Variants in LRP5 observed in about 807,000 individuals in gnomAD.
LRP5 encodes LDL receptor related protein 5, also known as low-density lipoprotein receptor-related protein 5.
In LRP5, 62 loss-of-function variants were observed where a neutral mutation model predicts 154.1. The observed-to-expected ratio is 0.40, with a 90% CI of 0.33 to 0.50. The LOEUF (loss-of-function observed/expected upper bound fraction) is 0.50, where lower values mean the gene tolerates loss of function less well. Ranked by LOEUF, LRP5 falls within the 20% of genes least tolerant of loss-of-function variation. The pLI is 0.55. For missense variants in LRP5, 1,915 were observed against 2,336.7 expected, an observed-to-expected ratio of 0.82 and a Z score of 3.72; for synonymous variants, 966 against 1,011.5, an observed-to-expected ratio of 0.96 and a Z score of 0.85.
intron 19 of LRP5, 36 bp downstream of exon 19, chr11:68,437,035 G>T (rs761006855): frequency 2.5e-6 from 4 of 1,577,466 alleles, no homozygotes; most frequent in South Asian, 2.2e-5. Flanking sequence ...GGGGCGTCCG[G>T]GCTGGGTTCC....
At chr11:68,421,034 G>A (rs1301867627) in intron 13 of LRP5, among the ~76,000 whole-genome samples, 1 of 152,128 alleles carries the variant, frequency 6.6e-6, no homozygotes, top group African/African-American at 2.4e-5. Context: ...AGACCATCCT[G>A]GCCAACATGG....
At chr11:68,434,626 C>T (rs1301727041) in intron 18 of LRP5, among the ~76,000 whole-genome samples, 4 of 152,256 alleles carry the variant, frequency 2.6e-5, no homozygotes, top group East Asian at 1.9e-4. Flanking sequence ...GTGATCCGCC[C>T]GCCTCAGCCT....
chr11:68,348,055 G>T lies in LRP5; in HGVS notation c.300G>T (p.Gln100His). 1 of 1,614,072 alleles carries T rather than the reference G, an allele frequency of 6.2e-7. No individual in the cohort carries two copies. The highest frequency in any genetic ancestry group is 8.5e-7 in the Non-Finnish European group (1 of 1,180,026). ...TGAACCAGACGGGGGCCGCCGTGCA[G>T]AACGTGGTCATCTCCGGCCTGGTCT... ...TYLNQTGAAV[Q>H]NVVISGLVSP... is the part of the protein sequence containing the mutation. The change falls in exon 2 of 23, where the codon CAG becomes CAT. Residue 100 changes from glutamine to histidine, a missense_variant. Around this residue, in one of 3 missense-constraint regions of LRP5, gnomAD observed 773 missense variants for 1,100.9 expected, o/e 0.70. Coordinates refer to ENST00000294304, the MANE Select transcript of LRP5 (RefSeq NM_002335.4).
At chr11:68,442,724 C>T (rs191140847) in intron 21 of LRP5, among the ~76,000 whole-genome samples, 4 of 152,320 alleles carry the variant, frequency 2.6e-5, no homozygotes, top group East Asian at 1.9e-4. Flanking sequence ...AGAGCTCTAC[C>T]GTAACCCATC....
intron 18 of LRP5, among the ~76,000 whole-genome samples, chr11:68,436,586 G>A (rs933602618): frequency 6.6e-6 from 1 of 152,074 alleles, no homozygotes; most frequent in Admixed American, 6.5e-5. Flanking sequence ...CCTTGGGCGG[G>A]GTCTGTTACT....
At position 68,417,623 on chromosome 11, in the gene LRP5, G is replaced by T. The variant is rs990437944; in HGVS notation, c.3027+1096G>T. On this transcript the variant is annotated intron_variant, in intron 13 of 22. Transcript: ENST00000294304. Reference sequence around the variant, plus strand: ...TTACAGGCATGAGCCACCGCGGCCGGCCAGATTTGCATTTTTGAAACAACT... The same window carrying T: ...TTACAGGCATGAGCCACCGCGGCCGTCCAGATTTGCATTTTTGAAACAACT... Among the ~76,000 whole-genome samples the T allele has an allele frequency of 5.9e-5, 9 of 151,736 alleles. No individual in the cohort carries two copies. In the East Asian group the frequency reaches 1.8e-3, roughly 30 times the overall value.
At chr11:68,359,719 A>T (rs1179053137) in intron 3 of LRP5, among the ~76,000 whole-genome samples, 7 of 150,380 alleles carry the variant, frequency 4.7e-5, no homozygotes, top group Admixed American at 2.7e-4. Context: ...TCACTTTGTC[A>T]CCCAGGCTGG....
intron 1 of LRP5, among the ~76,000 whole-genome samples, chr11:68,327,204 C>T (rs2098600208): frequency 6.6e-6 from 1 of 152,238 alleles, no homozygotes; most frequent in Admixed American, 6.5e-5. Context: ...ACGGTTCTTG[C>T]CCCTGAGAAG....
In LRP5 at chr11:68,316,073, A is replaced by G. The variant is rs185751078; in HGVS notation, c.91+3268A>G. Among the ~76,000 whole-genome samples, 3 of 152,276 alleles carry G rather than the reference A, an allele frequency of 2.0e-5. No homozygotes were observed. The East Asian group carries it at 5.8e-4, about 29-fold the overall frequency. On this transcript the variant is annotated intron_variant, in intron 1 of 22. Coordinates refer to ENST00000294304, the MANE Select transcript of LRP5 (RefSeq NM_002335.4). ...TTTCCATCACCCCAAAATAAAACCCATACCCATTACACGGTGACTTCCCGT... is the reference window on the plus strand; with the variant it reads ...TTTCCATCACCCCAAAATAAAACCCGTACCCATTACACGGTGACTTCCCGT...
intron 5 of LRP5, among the ~76,000 whole-genome samples, chr11:68,383,310 G>A (rs558176515): frequency 9.8e-5 from 15 of 152,350 alleles, no homozygotes; most frequent in African/African-American, 3.6e-4. Context: ...ACACTGCTGA[G>A]GTCAAGCGTG....
intron 17 of LRP5, among the ~76,000 whole-genome samples, chr11:68,432,404 G>T (rs1181380107): frequency 6.6e-6 from 1 of 152,156 alleles, no homozygotes; most frequent in African/African-American, 2.4e-5. Context: ...ACCCTGGCAC[G>T]TCCTCCTGTG....
At chr11:68,340,804 T>TAC (rs2098608492) in intron 1 of LRP5, among the ~76,000 whole-genome samples, 1 of 152,214 alleles carries the variant, frequency 6.6e-6, no homozygotes, top group African/African-American at 2.4e-5. Flanking sequence ...TTACCAGTAT[T>TAC]ACAATATATT....
the LRP5 span, among the ~76,000 whole-genome samples, chr11:68,307,307 C>T: frequency 1.2e-4 from 18 of 151,792 alleles, no homozygotes; most frequent in East Asian, 3.1e-3. Flanking sequence ...CCACAGCTGT[C>T]CCCCATCTCT....
intron 1 of LRP5, among the ~76,000 whole-genome samples, chr11:68,326,691 G>A (rs2098599894): frequency 6.6e-6 from 1 of 152,258 alleles, no homozygotes; most frequent in Admixed American, 6.5e-5. Flanking sequence ...TCGCCTCTGG[G>A]ATGAGAGCAG....
rs142511038 is a variant in LRP5, at chr11:68,386,629, G to A, written c.1329G>A (p.Thr443=). ...CGGGCACGGACCGCATCGAGGTGAC[G>A]CGCCTCAACGGCACCTCCCGCAAGA... is the stretch of plus-strand genomic sequence containing the variant. The part of the protein sequence containing the change: ...TDTGTDRIEV[T]RLNGTSRKIL... Residue 443 remains threonine (T), a synonymous_variant, in exon 6 of 23, where the codon ACG becomes ACA. Transcript: ENST00000294304. The surrounding 1 kb of genome is among the most constrained non-coding windows in gnomAD (Gnocchi z 7.9). 2.4e-5 allele frequency: 39 copies of A among 1,613,498 alleles called. 1 individual carries two copies. Among genetic ancestry groups the A allele is most frequent in the African/African-American group, 2.1e-4 (16 of 74,928 alleles).
At chr11:68,380,429 C>T (rs1047732241) in intron 5 of LRP5, among the ~76,000 whole-genome samples, 5 of 152,192 alleles carry the variant, frequency 3.3e-5, no homozygotes, top group African/African-American at 1.2e-4. Flanking sequence ...GCCGCAGCAC[C>T]GAAAATATTT....
Position 68,433,843 on chromosome 11 carries a change from G to C in LRP5, c.4000+5G>C. On this transcript the variant is annotated splice_donor_5th_base_variant and intron_variant, in intron 18 of 22. Transcript: ENST00000294304. ...CAGACGAGGCGGACTGTGACGGTGAGGCCCTCCCCGTCAAGGCTCTGCCAA... is the reference window on the plus strand; with the variant it reads ...CAGACGAGGCGGACTGTGACGGTGACGCCCTCCCCGTCAAGGCTCTGCCAA... 1 of 1,611,044 alleles carries C rather than the reference G, an allele frequency of 6.2e-7. No homozygotes were observed. The highest frequency in any genetic ancestry group is 1.7e-5 in the Admixed American group (1 of 59,852).
chr11:68,396,292 A>G (rs771230246), intron 7 of LRP5, among the ~76,000 whole-genome samples: 73 of 152,318 alleles, frequency 4.8e-4, no homozygotes, highest in African/African-American at 1.6e-3. Context: ...TGGCCAACCC[A>G]GGTGCTGAGG....
At chr11:68,435,211 C>A (rs2098674204) in intron 18 of LRP5, among the ~76,000 whole-genome samples, 1 of 152,246 alleles carries the variant, frequency 6.6e-6, no homozygotes, top group Non-Finnish European at 1.5e-5. Context: ...TGCTGCGCAT[C>A]CTGGCCCAGC....
Sources: gnomAD v4.1 joint callset for allele counts (sites outside exome capture counted in the v4.1 genomes callset) on GRCh38, gnomAD v4.1.1 for gene constraint, gnomAD v4.1.1 regional missense constraint, Gnocchi (gnomAD v3.1) non-coding constraint, MANE v1.5 for transcripts, NCBI Gene and HGNC (gene_info 2026-07-23, HGNC 2026-07-21) for gene names.